FAM234B: variants seen among roughly 807,000 people sequenced by gnomAD.
FAM234B encodes family with sequence similarity 234 member B, also known as protein FAM234B.
FAM234B carries 33 observed loss-of-function variants against 69.3 expected under a neutral mutation model. That is an observed-to-expected ratio of 0.48 (90% confidence interval 0.36 to 0.64). The LOEUF (loss-of-function observed/expected upper bound fraction) is 0.64, where lower values mean the gene tolerates loss of function less well. Ranked by LOEUF, FAM234B falls within the 30% of genes least tolerant of loss-of-function variation. The probability of loss-of-function intolerance (pLI) is 0.00; values close to 1 mark genes in which losing one functional copy is unlikely to be tolerated. For missense variants in FAM234B, 697 were observed against 769.7 expected, an observed-to-expected ratio of 0.91 and a Z score of 1.12; for synonymous variants, 306 against 306.9, an observed-to-expected ratio of 1.00 and a Z score of 0.03.
At position 13,080,683 on chromosome 12, in the gene FAM234B, A is replaced by C; in HGVS notation, c.*53A>C. On this transcript the variant is annotated 3_prime_UTR_variant, in exon 13 of 13. Coordinates refer to ENST00000197268, the MANE Select transcript of FAM234B (RefSeq NM_020853.2). ...AGTGAACAGAGTGGATACCCTCTCT[A>C]CTCTCCTGTCACTGTAAAATCAGTT... is the stretch of plus-strand genomic sequence containing the variant. 7.0e-7 allele frequency: 1 copy of C among 1,434,244 alleles called. No homozygotes were observed. The highest frequency in any genetic ancestry group is 9.8e-7 in the Non-Finnish European group (1 of 1,018,446). 88.8% of individuals were successfully genotyped at this position (1,434,244 alleles called of 1,614,324 possible). A position where few individuals can be genotyped will look rare whatever the true frequency, so the allele number is the denominator to read the frequency against.
At chr12:13,060,222 C>G (rs1243741375) in intron 3 of FAM234B, among the ~76,000 whole-genome samples, 2 of 152,186 alleles carry the variant, frequency 1.3e-5, no homozygotes, top group African/African-American at 4.8e-5. Flanking sequence ...GTCCTTGACC[C>G]TCATGCCAAG....
At chr12:13,069,521 C>T (rs1865079510) in intron 9 of FAM234B, among the ~76,000 whole-genome samples, 1 of 152,138 alleles carries the variant, frequency 6.6e-6, no homozygotes. Flanking sequence ...CACTACATAG[C>T]TCTACCATGC....
intron 9 of FAM234B, among the ~76,000 whole-genome samples, chr12:13,070,044 C>T (rs1865086915): frequency 6.6e-6 from 1 of 151,802 alleles, no homozygotes; most frequent in South Asian, 2.1e-4. Context: ...TATTGGAGAC[C>T]TTGGGCATAT....
At chr12:13,048,833 A>C (rs537741385) in intron 1 of FAM234B, among the ~76,000 whole-genome samples, 1 of 152,372 alleles carries the variant, frequency 6.6e-6, no homozygotes, top group South Asian at 2.1e-4. Context: ...GGGAGGCCTC[A>C]CAATCATGGT....
chr12:13,062,760 T>C (rs1180938520), intron 4 of FAM234B, 85 bp from the exon 5 acceptor site: 48 of 1,488,766 alleles, frequency 3.2e-5, no homozygotes, highest in East Asian at 9.2e-5. Context: ...CCTTGCGTCT[T>C]TCTTTTCTGG....
At chr12:13,048,906 G>T (rs1489447428) in intron 1 of FAM234B, among the ~76,000 whole-genome samples, 1 of 152,106 alleles carries the variant, frequency 6.6e-6, no homozygotes, top group Non-Finnish European at 1.5e-5. Flanking sequence ...AGCGAAACAG[G>T]GTTCCCCTTG....
At chr12:13,048,104 A>G (rs1437348558) in intron 1 of FAM234B, among the ~76,000 whole-genome samples, 1 of 152,214 alleles carries the variant, frequency 6.6e-6, no homozygotes, top group East Asian at 1.9e-4. Context: ...TAAAGAAAGC[A>G]TAGGAATATG....
chr12:13,069,081 A>C (rs1225717556), intron 9 of FAM234B, among the ~76,000 whole-genome samples: 1 of 152,206 alleles, frequency 6.6e-6, no homozygotes, highest in Non-Finnish European at 1.5e-5. Context: ...CTGGGGTTTT[A>C]TGGAAGACCT....
intron 1 of FAM234B, among the ~76,000 whole-genome samples, chr12:13,052,206 G>C (rs555039789): frequency 6.6e-6 from 1 of 152,256 alleles, no homozygotes; most frequent in Middle Eastern, 3.4e-3. Context: ...TCTTGAATCA[G>C]TGTAAAGAAT....
At chr12:13,061,804 C>T (rs1382111353) in intron 4 of FAM234B, 41 bp downstream of exon 4, 1 of 1,574,652 alleles carries the variant, frequency 6.4e-7, no homozygotes, top group Non-Finnish European at 8.7e-7. Flanking sequence ...CTCCTACGAG[C>T]CATACTTTTG....
At chr12:13,050,479 C>T (rs1864864076) in intron 1 of FAM234B, among the ~76,000 whole-genome samples, 1 of 152,102 alleles carries the variant, frequency 6.6e-6, no homozygotes, top group Non-Finnish European at 1.5e-5. Context: ...GGATTTGATT[C>T]TGTGGTGTTG....
intron 5 of FAM234B, among the ~76,000 whole-genome samples, chr12:13,064,999 C>T (rs889395364): frequency 6.6e-6 from 1 of 152,270 alleles, no homozygotes; most frequent in Middle Eastern, 3.4e-3. Context: ...TCACACCATG[C>T]TATGATCTCT....
At chr12:13,066,064 GTGT>G (rs1336512322) in intron 5 of FAM234B, among the ~76,000 whole-genome samples, 5 of 152,178 alleles carry the variant, frequency 3.3e-5, no homozygotes, top group Non-Finnish European at 5.9e-5. Flanking sequence ...ATTCATTTAT[GTGT>G]TATTTATGAC....
intron 2 of FAM234B, among the ~76,000 whole-genome samples, chr12:13,056,403 A>G (rs1044841425): frequency 4.6e-5 from 7 of 152,308 alleles, no homozygotes; most frequent in African/African-American, 1.7e-4. Flanking sequence ...GATAGTTGCT[A>G]TCTTTTCTTT....
intron 10 of FAM234B, among the ~76,000 whole-genome samples, chr12:13,073,884 C>T (rs75090515): frequency 3.3e-5 from 5 of 152,272 alleles, no homozygotes; most frequent in East Asian, 1.9e-4. Context: ...GTTTAATCTC[C>T]GACATCATTT....
Position 13,055,565 on chromosome 12 carries a change from G to A in FAM234B, c.52G>A (p.Asp18Asn). 1 of 1,604,422 alleles carries A rather than the reference G, an allele frequency of 6.2e-7. No homozygotes were observed. Among genetic ancestry groups the A allele is most frequent in the South Asian group, 1.1e-5 (1 of 90,804 alleles). Residue 18 changes from aspartate (D) to asparagine (N), a missense_variant, in exon 2 of 13, where the codon GAC becomes AAC. By Grantham distance (23) the Asp-to-Asn change is conservative. Around this residue, in one of 3 missense-constraint regions of FAM234B, gnomAD observed 380 missense variants for 447.1 expected, o/e 0.85. Coordinates refer to ENST00000197268, the MANE Select transcript of FAM234B (RefSeq NM_020853.2). ...ALKLPGKKSP[D>N]LGEYDPLTQA... ...TGTATTTTCAGGGAAGAAGAGCCCA[G>A]ACCTAGGGGAGTATGATCCACTTAC...
In FAM234B at chr12:13,074,515, C is replaced by T. The variant is rs193226846; in HGVS notation, c.1525-1511C>T. Among the ~76,000 whole-genome samples, 62 of 152,092 alleles carry T rather than the reference C, an allele frequency of 4.1e-4. 1 individual carries two copies. Among genetic ancestry groups the T allele is most frequent in the Admixed American group, 2.1e-3 (32 of 15,272 alleles). The stretch of plus-strand genomic sequence containing the variant: ...TCTAAGAGGCAAATAAGATTGGCAA[C>T]GGTTAGGCAGAGTAAGGTGAAGCAT... On this transcript the variant is annotated intron_variant, in intron 10 of 12. Coordinates refer to ENST00000197268, the MANE Select transcript of FAM234B (RefSeq NM_020853.2).
intron 2 of FAM234B, among the ~76,000 whole-genome samples, chr12:13,056,220 G>A (rs528868503): frequency 3.3e-4 from 50 of 152,268 alleles, no homozygotes; most frequent in African/African-American, 8.4e-4. Flanking sequence ...CTGCTGTGGA[G>A]CCAGCACTGT....
chr12:13,072,765 A>G (rs1250038638), intron 10 of FAM234B, among the ~76,000 whole-genome samples: 4 of 151,946 alleles, frequency 2.6e-5, no homozygotes, highest in Non-Finnish European at 5.9e-5. Context: ...ATTTCTTAAC[A>G]TAAGCTCCAT....
Sources: gnomAD v4.1 joint callset for allele counts (sites outside exome capture counted in the v4.1 genomes callset) on GRCh38, gnomAD v4.1.1 for gene constraint, gnomAD v4.1.1 regional missense constraint, MANE v1.5 for transcripts, NCBI Gene and HGNC (gene_info 2026-07-23, HGNC 2026-07-21) for gene names.